NCOA3: variants seen among roughly 807,000 people sequenced by gnomAD.
NCOA3 encodes the protein CBP-interacting protein.
A neutral mutation model predicts 158.8 loss-of-function variants in NCOA3; 51 were observed. The ratio of observed to expected loss-of-function variants is 0.32; its 90% CI spans 0.26 to 0.41. The LOEUF (loss-of-function observed/expected upper bound fraction) is 0.41. Among genes scored for constraint, NCOA3 ranks in the 10% least tolerant of loss-of-function variants. NCOA3 has a pLI of 1.00. For synonymous variants in NCOA3, 537 were observed against 592.4 expected, an observed-to-expected ratio of 0.91 and a Z score of 1.36; for missense variants, 1,510 against 1,746.6, an observed-to-expected ratio of 0.86 and a Z score of 2.41.
Position 47,635,415 on chromosome 20 carries a change from T to A in NCOA3, c.1206T>A (p.Ser402Arg). ...GCAACAGTTCGGTAGGCGGCATGAG[T>A]ATGTCGCCAAACCAAGGCTTACAGA... is the stretch of plus-strand genomic sequence containing the variant. ...AGCNSSVGGMSMSPNQGLQMP... is the reference protein window; with the variant it reads ...AGCNSSVGGMRMSPNQGLQMP... Residue 402 changes from serine (S) to arginine (R), a missense_variant, in exon 11 of 23, where the codon AGT (serine) becomes AGA (arginine). Ser to Arg is a moderately radical substitution (Grantham distance 110, BLOSUM62 -1). Around this residue, in one of 4 missense-constraint regions of NCOA3, gnomAD observed 1,017 missense variants for 1,098.3 expected, o/e 0.93. Coordinates refer to ENST00000371998, the MANE Select transcript of NCOA3 (RefSeq NM_181659.3). 6.2e-7 allele frequency: 1 copy of A among 1,614,132 alleles called. No homozygotes were observed. Among genetic ancestry groups the A allele is most frequent in the East Asian group, 2.2e-5 (1 of 44,880 alleles).
chr20:47,544,075 A>C (rs1174888241), intron 1 of NCOA3, among the ~76,000 whole-genome samples: 6 of 152,302 alleles, frequency 3.9e-5, no homozygotes, highest in African/African-American at 1.4e-4. Context: ...AATAACTTGC[A>C]TAGCCATGTT....
chr20:47,516,735 A>G (rs2084240022), intron 1 of NCOA3, among the ~76,000 whole-genome samples: 1 of 151,740 alleles, frequency 6.6e-6, no homozygotes, highest in Admixed American at 6.6e-5. Context: ...AGCCTGGCCA[A>G]CATGGTAAAA....
At chr20:47,635,851 G>C (rs1485325779) in intron 11 of NCOA3, 40 bp from the exon 12 acceptor site, 1 of 1,550,624 alleles carries the variant, frequency 6.4e-7, no homozygotes, top group Admixed American at 2.0e-5. Flanking sequence ...TACAGTGTCT[G>C]GTAGTCTAAT....
chr20:47,633,171 G>A (rs1033358649), intron 8 of NCOA3, among the ~76,000 whole-genome samples: 1 of 152,174 alleles, frequency 6.6e-6, no homozygotes, highest in Non-Finnish European at 1.5e-5. Context: ...AAATTGAGGT[G>A]TGTTCCAAAG....
At chr20:47,640,247 G>C (rs1317623956) in intron 16 of NCOA3, among the ~76,000 whole-genome samples, 196 bp downstream of exon 16, 1 of 152,230 alleles carries the variant, frequency 6.6e-6, no homozygotes, top group Non-Finnish European at 1.5e-5. Flanking sequence ...GGCATTCACA[G>C]GAGAGGGAGG....
chr20:47,511,540 T>TACACACAC (rs1337953932), intron 1 of NCOA3, among the ~76,000 whole-genome samples: 1 of 22,642 alleles, frequency 4.4e-5, no homozygotes, highest in African/African-American at 8.2e-5. Context: ...TATATATATA[T>TACACACAC]ATATATATAT....
intron 1 of NCOA3, among the ~76,000 whole-genome samples, chr20:47,544,006 G>A (rs1300044532): frequency 1.3e-5 from 2 of 151,822 alleles, no homozygotes; most frequent in Non-Finnish European, 2.9e-5. Context: ...TTAGACTTTT[G>A]GGAATGTTGC....
chr20:47,646,073 G>T (rs774950885), intron 17 of NCOA3, among the ~76,000 whole-genome samples: 3 of 152,172 alleles, frequency 2.0e-5, no homozygotes, highest in Non-Finnish European at 4.4e-5. Context: ...CAGGACCCCT[G>T]TGGATACCAA....
chr20:47,642,859 A>G (rs923411925), intron 17 of NCOA3, among the ~76,000 whole-genome samples: 1 of 152,152 alleles, frequency 6.6e-6, no homozygotes, highest in Non-Finnish European at 1.5e-5. Context: ...ACCCCGCCTT[A>G]TGAAAACATG....
chr20:47,529,000 C>T (rs992818247), intron 1 of NCOA3, among the ~76,000 whole-genome samples: 7 of 152,110 alleles, frequency 4.6e-5, no homozygotes, highest in African/African-American at 1.4e-4. Context: ...CTCCCGACCT[C>T]GGGTGATCCA....
Position 47,653,430 on chromosome 20 carries a change from A to T in NCOA3, c.*13A>T. On this transcript the variant is annotated 3_prime_UTR_variant, in exon 23 of 23. Coordinates refer to ENST00000371998, the MANE Select transcript of NCOA3 (RefSeq NM_181659.3). The stretch of plus-strand genomic sequence containing the variant: ...GAAATACTGCTGACATCTCTGCACC[A>T]GGACCTCTTAAGGAAACCACTGTAC... 2 of 1,597,824 alleles carry T rather than the reference A, an allele frequency of 1.3e-6. No individual in the cohort carries two copies. The highest frequency in any genetic ancestry group is 1.7e-6 in the Non-Finnish European group (2 of 1,173,214).
chr20:47,641,410 C>G (rs2086606207), intron 16 of NCOA3, among the ~76,000 whole-genome samples: 1 of 147,212 alleles, frequency 6.8e-6, no homozygotes, highest in Non-Finnish European at 1.5e-5. Context: ...TCAAGGATCT[C>G]CTGGGCTCAA....
intron 1 of NCOA3, among the ~76,000 whole-genome samples, chr20:47,559,425 G>A (rs1040579660): frequency 6.6e-6 from 1 of 152,112 alleles, no homozygotes; most frequent in Non-Finnish European, 1.5e-5. Context: ...CAGCTTCTTA[G>A]ATGAGGGCAG....
chr20:47,502,098 A>C, intron 1 of NCOA3, 79 bp downstream of exon 1: 1 of 398,728 alleles, frequency 2.5e-6, no homozygotes, highest in Non-Finnish European at 4.4e-6. Flanking sequence ...CGAGTTCCCC[A>C]GGCTGCGAGA....
At chr20:47,510,053 T>C (rs1380992043) in intron 1 of NCOA3, among the ~76,000 whole-genome samples, 2 of 152,196 alleles carry the variant, frequency 1.3e-5, no homozygotes, top group Non-Finnish European at 2.9e-5. Context: ...CTTTGTCATA[T>C]AATAAGACAG....
chr20:47,623,050 G>A (rs1223668206), intron 3 of NCOA3: 3 of 152,218 alleles, frequency 2.0e-5, no homozygotes, highest in Non-Finnish European at 2.9e-5. Flanking sequence ...TTTAAGAATG[G>A]GTTATAAGTT....
At chr20:47,512,975 G>A (rs1170069376) in intron 1 of NCOA3, among the ~76,000 whole-genome samples, 2 of 152,082 alleles carry the variant, frequency 1.3e-5, no homozygotes, top group African/African-American at 2.4e-5. Flanking sequence ...TGGCCAACAT[G>A]GCAAAACCTG....
rs2086577926 is a variant in NCOA3, at chr20:47,639,991, TG to T, written c.3023del (p.Gly1008ValfsTer81). 1 of 1,614,216 alleles carries T rather than the reference TG, an allele frequency of 6.2e-7. No homozygotes were observed. Among genetic ancestry groups the T allele is most frequent in the Non-Finnish European group, 8.5e-7 (1 of 1,180,040 alleles). ...PYGQAAASNQ[L>X]GSWPDGMLSM... ...GGCCAAGCAGCAGCATCTAACCAAC[TG>T]GGTTCCTGGCCCGATGGCATGTTGT... On this transcript the variant is annotated frameshift_variant, in exon 16 of 23. Transcript: ENST00000371998. LOFTEE classifies it high-confidence loss of function.
At chr20:47,599,621 A>G (rs2085824512) in intron 2 of NCOA3, among the ~76,000 whole-genome samples, 2 of 152,238 alleles carry the variant, frequency 1.3e-5, no homozygotes, top group South Asian at 4.1e-4. Flanking sequence ...CAGAAATTTT[A>G]TGGAAAAATA....
Sources: allele counts gnomAD v4.1 joint callset (sites outside exome capture counted in the v4.1 genomes callset), GRCh38; gene constraint gnomAD v4.1.1; regional missense constraint gnomAD v4.1.1; transcripts MANE v1.5; gene names NCBI Gene and HGNC (gene_info 2026-07-23, HGNC 2026-07-21).